UGT1A8: variants seen among roughly 807,000 people sequenced by gnomAD.
The protein encoded by UGT1A8 is UDP-glucuronosyltransferase 1A8.
A neutral mutation model predicts 45.3 loss-of-function variants in UGT1A8; 39 were observed. The observed-to-expected ratio is 0.86, with a 90% CI of 0.67 to 1.12. The LOEUF is 1.12. UGT1A8 is among the 50% of genes most tolerant of loss of function. The probability of loss-of-function intolerance (pLI) is 0.00; values close to 1 mark genes in which losing one functional copy is unlikely to be tolerated. For synonymous variants in UGT1A8, 275 were observed against 249.2 expected (o/e 1.10, Z -0.97); for missense variants, 719 against 664.9 (o/e 1.08, Z -0.90).
intron 1 of UGT1A8, among the ~76,000 whole-genome samples, chr2:233,765,411 G>A (rs1367476072): frequency 6.6e-6 from 1 of 152,138 alleles, no homozygotes; most frequent in East Asian, 1.9e-4. Flanking sequence ...ATACACCATG[G>A]AATACTATGC....
chr2:233,680,912 T>C (rs889091819), intron 1 of UGT1A8, among the ~76,000 whole-genome samples: 5 of 151,992 alleles, frequency 3.3e-5, no homozygotes, highest in African/African-American at 1.2e-4. Flanking sequence ...ACAATGTATC[T>C]GAGGAAAGCC....
intron 1 of UGT1A8, among the ~76,000 whole-genome samples, chr2:233,645,557 C>G (rs2073577953): frequency 6.6e-6 from 1 of 152,234 alleles, no homozygotes; most frequent in African/African-American, 2.4e-5. Context: ...GGTAAATACA[C>G]CATTCCAACT....
intron 1 of UGT1A8, among the ~76,000 whole-genome samples, chr2:233,726,265 C>T (rs569256499): frequency 2.6e-5 from 4 of 152,302 alleles, no homozygotes; most frequent in East Asian, 1.9e-4. Context: ...CAGTGGCATG[C>T]GCCTATGGTC....
rs550092593 is a variant in UGT1A8, at chr2:233,636,433, T to C, written c.855+17871T>C. The C allele has an allele frequency of 4.9e-5, 74 of 1,518,802 alleles. 1 individual carries two copies. In the South Asian group the frequency reaches 4.9e-4, roughly 10 times the overall value. The allele number at this position is 1,518,802 out of a possible 1,614,324, so 94.1% of individuals were successfully genotyped here. A position where few individuals can be genotyped will look rare whatever the true frequency, so the allele number is the denominator to read the frequency against. Reference sequence around the variant, plus strand: ...TGAAAGGATAAATACACGCCCTCTATTGGGGTCAGGTTTTGTGCCTGTACT... The same window carrying C: ...TGAAAGGATAAATACACGCCCTCTACTGGGGTCAGGTTTTGTGCCTGTACT... On this transcript the variant is annotated intron_variant, in intron 1 of 4. Coordinates refer to ENST00000373450, the MANE Select transcript of UGT1A8 (RefSeq NM_019076.5).
intron 1 of UGT1A8, chr2:233,742,939 C>T (rs750908913): frequency 4.7e-6 from 1 of 212,356 alleles, no homozygotes; most frequent in Non-Finnish European, 9.5e-6. Context: ...TTCTGTCCTA[C>T]CACTAGCAAA....
chr2:233,745,312 T>A (rs1693068284), intron 1 of UGT1A8, among the ~76,000 whole-genome samples: 1 of 151,876 alleles, frequency 6.6e-6, no homozygotes, highest in South Asian at 2.1e-4. Flanking sequence ...AGTGATTATT[T>A]CCACTAGAAC....
intron 1 of UGT1A8, chr2:233,753,763 T>C (rs1695302197): frequency 1.3e-5 from 2 of 152,344 alleles, no homozygotes; most frequent in South Asian, 4.1e-4. Context: ...TGCGTGGCCC[T>C]TTGGAAACGC....
chr2:233,767,929 T>C lies in UGT1A8; in HGVS notation c.1068T>C (p.Asp356=). 3.1e-6 allele frequency: 5 copies of C among 1,614,196 alleles called. No individual in the cohort carries two copies. Among genetic ancestry groups the C allele is most frequent in the Non-Finnish European group, 3.4e-6 (4 of 1,180,048 alleles). ...TILVKWLPQN[D]LLGHPMTRAF... is the part of the protein sequence containing the mutation. ...TTGTTAAGTGGCTACCCCAAAACGATCTGCTTGGTATGTTGGGCGGATTGG... is the reference window on the plus strand; with the variant it reads ...TTGTTAAGTGGCTACCCCAAAACGACCTGCTTGGTATGTTGGGCGGATTGG... Residue 356 remains aspartate, a synonymous_variant, in exon 3 of 5, where the codon GAT becomes GAC. Transcript: ENST00000373450.
intron 1 of UGT1A8, among the ~76,000 whole-genome samples, chr2:233,723,516 CT>C (rs1162916866): frequency 0.039 from 3,290 of 85,380 alleles, 164 homozygotes; most frequent in African/African-American, 0.1. Flanking sequence ...GGTCAACAAT[CT>C]TTTTTTTTTT....
intron 1 of UGT1A8, among the ~76,000 whole-genome samples, chr2:233,631,952 G>C (rs1052380156): frequency 1.3e-5 from 2 of 152,098 alleles, no homozygotes; most frequent in African/African-American, 2.4e-5. Flanking sequence ...TTTTTCTAGA[G>C]TTTTCATGGT....
chr2:233,772,588 T>C lies in UGT1A8; in HGVS notation c.*29T>C, dbSNP rs945548426. The stretch of plus-strand genomic sequence containing the variant: ...GTGGGTGGGAAATAAGGTAAAATTT[T>C]GAACCATTCCCTAGTCATTTCCAAA... On this transcript the variant is annotated 3_prime_UTR_variant, in exon 5 of 5. Transcript: ENST00000373450. The C allele has an allele frequency of 1.1e-5, 18 of 1,603,922 alleles. No individual in the cohort carries two copies. In the African/African-American group the frequency reaches 1.7e-4, roughly 16 times the overall value.
rs568014834 is a variant in UGT1A8, at chr2:233,720,430, C to T, written c.856-46604C>T. Among the ~76,000 whole-genome samples the T allele has an allele frequency of 5.5e-4, 84 of 151,958 alleles. 1 individual carries two copies. The highest frequency in any genetic ancestry group is 1.8e-3 in the African/African-American group (76 of 41,396). ...GAAGGGACTAGGGAGGAGATAAGAC[C>T]GTGAATCTATAAGCCCAGTGAAGCT... On this transcript the variant is annotated intron_variant, in intron 1 of 4. Coordinates refer to ENST00000373450, the MANE Select transcript of UGT1A8 (RefSeq NM_019076.5).
At chr2:233,671,792 C>A (rs2074199541) in intron 1 of UGT1A8, 28 of 1,409,224 alleles carry the variant, frequency 2.0e-5, no homozygotes, top group Non-Finnish European at 2.5e-5. Context: ...TTGGGTAAAT[C>A]ATTGTCAGTG....
At chr2:233,702,391 T>C (rs2075684338) in intron 1 of UGT1A8, among the ~76,000 whole-genome samples, 1 of 152,202 alleles carries the variant, frequency 6.6e-6, no homozygotes, top group South Asian at 2.1e-4. Context: ...ACATTCCAGA[T>C]CATGTTATCT....
intron 1 of UGT1A8, among the ~76,000 whole-genome samples, chr2:233,704,712 T>C (rs2075804590): frequency 6.6e-6 from 1 of 152,184 alleles, no homozygotes; most frequent in African/African-American, 2.4e-5. Context: ...CTTAGCCCAA[T>C]TTGCCTTTGC....
rs899779207 is a variant in UGT1A8 at position 233,690,760 on chromosome 2, T to TAC, written c.855+72212_855+72213dup. The TAC allele has an allele frequency of 2.3e-5, 21 of 905,564 alleles. No homozygotes were observed. The East Asian group carries it at 3.3e-4, about 14-fold the overall frequency. 56.1% of individuals were successfully genotyped at this position (905,564 alleles called of 1,614,324 possible). On this transcript the variant is annotated intron_variant, in intron 1 of 4. Transcript: ENST00000373450. ...CTCTGGCTAGTGTCCAGTGCAGACA[T>TAC]ACACACACACACACATACACACACA... is the stretch of plus-strand genomic sequence containing the variant.
intron 1 of UGT1A8, among the ~76,000 whole-genome samples, chr2:233,761,782 A>G (rs1423318285): frequency 1.3e-5 from 2 of 152,218 alleles, no homozygotes; most frequent in African/African-American, 4.8e-5. Context: ...ATCCTCATCG[A>G]AATCTCAGCA....
intron 1 of UGT1A8, chr2:233,718,773 C>A: frequency 6.2e-7 from 1 of 1,612,848 alleles, no homozygotes. Flanking sequence ...ACAAATGTAG[C>A]AGGCACAGCG....
intron 1 of UGT1A8, chr2:233,713,970 T>A (rs2076359096): frequency 3.1e-6 from 5 of 1,600,488 alleles, no homozygotes; most frequent in Non-Finnish European, 4.3e-6. Context: ...ATTTCATTTC[T>A]GCTTCTCATT....
Sources: allele counts gnomAD v4.1 joint callset (sites outside exome capture counted in the v4.1 genomes callset), GRCh38; gene constraint gnomAD v4.1.1; transcripts MANE v1.5; gene names NCBI Gene and HGNC (gene_info 2026-07-23, HGNC 2026-07-21).